The following TRIO variants were observed in gnomAD, a reference collection of about 807,000 sequenced individuals.
TRIO encodes trio Rho guanine nucleotide exchange factor.
Under a neutral mutation model 351.9 loss-of-function variants are expected in TRIO, and 58 were observed. The ratio of observed to expected loss-of-function variants is 0.16; its 90% CI spans 0.13 to 0.21. The LOEUF (loss-of-function observed/expected upper bound fraction) is 0.21, where lower values mean the gene tolerates loss of function less well. Ranked by LOEUF, TRIO falls within the 10% of genes least tolerant of loss-of-function variation. The pLI, the probability that TRIO is intolerant of heterozygous loss-of-function variation, is 1.00. For synonymous variants in TRIO, 1,758 were observed against 1,595.7 expected, an observed-to-expected ratio of 1.10 and a Z score of -2.42; for missense variants, 3,201 against 4,027.8, an observed-to-expected ratio of 0.79 and a Z score of 5.56.
chr5:14,177,612 A>C (rs1190594202), intron 1 of TRIO, among the ~76,000 whole-genome samples: 1 of 152,188 alleles, frequency 6.6e-6, no homozygotes, highest in Non-Finnish European at 1.5e-5. Context: ...GGGTAGAGAG[A>C]GAATATTGCC....
chr5:14,174,800 T>C (rs748105667), intron 1 of TRIO, among the ~76,000 whole-genome samples: 23 of 152,276 alleles, frequency 1.5e-4, no homozygotes, highest in Non-Finnish European at 2.6e-4. Context: ...AAATGAATTA[T>C]ATCTTTATTT....
At chr5:14,311,468 G>T (rs369722646) in intron 8 of TRIO, among the ~76,000 whole-genome samples, 27 of 152,180 alleles carry the variant, frequency 1.8e-4, no homozygotes, top group Admixed American at 1.7e-3. Context: ...AGTATCTGTC[G>T]TTGGGAACAC....
chr5:14,287,151 A>G (rs2152281874), intron 4 of TRIO, 88 bp downstream of exon 4: 2 of 1,316,884 alleles, frequency 1.5e-6, no homozygotes, highest in South Asian at 2.8e-5. Context: ...TTTTTTTTTA[A>G]ACCACATATT....
intron 48 of TRIO, 54 bp downstream of exon 48, chr5:14,488,314 G>A: frequency 6.7e-7 from 1 of 1,501,008 alleles, no homozygotes; most frequent in East Asian, 2.5e-5. Flanking sequence ...TGTCCCGCCA[G>A]CTCTAAACGC....
intron 34 of TRIO, among the ~76,000 whole-genome samples, chr5:14,425,906 C>A (rs929761055): frequency 6.6e-6 from 1 of 152,158 alleles, no homozygotes; most frequent in Non-Finnish European, 1.5e-5. Context: ...TATAAGTTAT[C>A]CAGTTTAAGG....
At chr5:14,343,226 G>T (rs958131766) in intron 11 of TRIO, among the ~76,000 whole-genome samples, 2 of 152,102 alleles carry the variant, frequency 1.3e-5, no homozygotes, top group African/African-American at 4.8e-5. Flanking sequence ...AGCCCTCAAG[G>T]CTTATTCACT....
intron 34 of TRIO, among the ~76,000 whole-genome samples, chr5:14,457,097 C>A (rs373042416): frequency 6.6e-6 from 1 of 152,082 alleles, no homozygotes. Flanking sequence ...GAGAAGGGGT[C>A]ATTATTGTCC....
intron 34 of TRIO, among the ~76,000 whole-genome samples, chr5:14,443,745 A>G (rs545243951): frequency 1.3e-5 from 2 of 152,392 alleles, no homozygotes; most frequent in South Asian, 4.1e-4. Context: ...GCCATTGTCA[A>G]TAACTTACAC....
rs570664887 is a variant in TRIO at position 14,148,399 on chromosome 5, TTGAC to T, written c.157+4519_157+4522del. ...TTCAATATTTACTTTGTTTATTTAC[TTGAC>T]TATCGAGAAAATAAAATTTTATCTC... On this transcript the variant is annotated intron_variant, in intron 1 of 56. Transcript: ENST00000344204. Among the ~76,000 whole-genome samples, 127 of 152,322 alleles carry T rather than the reference TTGAC, an allele frequency of 8.3e-4. 2 individuals carry two copies. The highest frequency in any genetic ancestry group is 2.7e-3 in the African/African-American group (112 of 41,550).
chr5:14,305,034 AC>A (rs1346919314), intron 8 of TRIO, among the ~76,000 whole-genome samples: 1 of 152,328 alleles, frequency 6.6e-6, no homozygotes, highest in East Asian at 1.9e-4. Flanking sequence ...AGGGTGTATT[AC>A]ATTATTTACT....
intron 18 of TRIO, 87 bp from the exon 19 acceptor site, chr5:14,374,142 A>T: frequency 1.1e-6 from 1 of 878,390 alleles, no homozygotes. Context: ...TTAGGTAAAG[A>T]CATACGTTAG....
At position 14,507,963 on chromosome 5, in the gene TRIO, G is replaced by A. The variant is rs147521780; in HGVS notation, c.8835G>A (p.Thr2945=). ...TTGGAGATGCTGTTCAGCTCAACAC[G>A]ACCTACTACATCCACCAGTTACTGG... ...ADFGDAVQLN[T]TYYIHQLLGN... Residue 2945 remains threonine, a synonymous_variant, in exon 57 of 57, where the codon ACG becomes ACA. Coordinates refer to ENST00000344204, the MANE Select transcript of TRIO (RefSeq NM_007118.4). 69 of 1,614,132 alleles carry A rather than the reference G, an allele frequency of 4.3e-5. No individual in the cohort carries two copies. In the East Asian group the frequency reaches 6.7e-4, roughly 16 times the overall value.
chr5:14,178,564 A>T (rs996514130), intron 1 of TRIO, among the ~76,000 whole-genome samples: 1 of 152,200 alleles, frequency 6.6e-6, no homozygotes, highest in Non-Finnish European at 1.5e-5. Flanking sequence ...GGTGTTACCA[A>T]TAATTATTCT....
intron 34 of TRIO, among the ~76,000 whole-genome samples, chr5:14,442,491 A>G (rs1291190169): frequency 6.6e-6 from 1 of 152,224 alleles, no homozygotes; most frequent in Admixed American, 6.5e-5. Context: ...ACTAGGAGGT[A>G]AGAGTTGGCT....
At chr5:14,465,773 C>T (rs995078880) in intron 37 of TRIO, 133 bp downstream of exon 37, 1 of 880,996 alleles carries the variant, frequency 1.1e-6, no homozygotes, top group African/African-American at 1.7e-5. Flanking sequence ...CTCAGGAGTC[C>T]CCATGACCAC....
chr5:14,332,863 G>A (rs1050956606), intron 10 of TRIO, among the ~76,000 whole-genome samples: 1 of 152,288 alleles, frequency 6.6e-6, no homozygotes, highest in African/African-American at 2.4e-5. Flanking sequence ...CCCAGCAGGC[G>A]CTTGTGGTGC....
At chr5:14,168,296 T>C (rs1298281120) in intron 1 of TRIO, among the ~76,000 whole-genome samples, 3 of 152,256 alleles carry the variant, frequency 2.0e-5, no homozygotes, top group African/African-American at 7.2e-5. Context: ...TTTTATGTGC[T>C]GTTCACACAG....
Position 14,509,623 on chromosome 5 carries a change from T to C in TRIO, c.*1201T>C. The stretch of plus-strand genomic sequence containing the variant: ...TACTACTTTTTAGACTTTTTGACGT[T>C]GAACTTTCTGTATAAAAATTGGCTG... On this transcript the variant is annotated 3_prime_UTR_variant, in exon 57 of 57. Transcript: ENST00000344204. 3.0e-6 allele frequency: 1 copy of C among 328,462 alleles called. No homozygotes were observed. Among genetic ancestry groups the C allele is most frequent in the Admixed American group, 4.6e-5 (1 of 21,840 alleles). 20.3% of individuals were successfully genotyped at this position (328,462 alleles called of 1,614,324 possible).
At chr5:14,227,825 A>C (rs895807812) in intron 1 of TRIO, among the ~76,000 whole-genome samples, 10 of 152,232 alleles carry the variant, frequency 6.6e-5, no homozygotes, top group Non-Finnish European at 1.3e-4. Flanking sequence ...TTTAGTCTCA[A>C]TGGAAAGGTT....
Sources: allele counts gnomAD v4.1 joint callset (sites outside exome capture counted in the v4.1 genomes callset), GRCh38; gene constraint gnomAD v4.1.1; transcripts MANE v1.5; gene names NCBI Gene and HGNC (gene_info 2026-07-23, HGNC 2026-07-21).